The following FHOD3 variants were observed in gnomAD, a reference collection of about 807,000 sequenced individuals.
FHOD3 encodes FH1/FH2 domain-containing protein 3.
FHOD3 carries 90 observed loss-of-function variants against 173.0 expected under a neutral mutation model. That is an observed-to-expected ratio of 0.52 (90% CI 0.44 to 0.62). FHOD3 has a LOEUF of 0.62. FHOD3 is among the 20% of genes least tolerant of loss of function. The pLI, the probability that FHOD3 is intolerant of heterozygous loss-of-function variation, is 0.00. For missense variants in FHOD3, 1,945 were observed against 2,034.7 expected, an observed-to-expected ratio of 0.96 and a Z score of 0.85; for synonymous variants, 828 against 823.0, an observed-to-expected ratio of 1.01 and a Z score of -0.10.
chr18:36,544,121 A>T (rs1173715229), intron 5 of FHOD3, among the ~76,000 whole-genome samples: 1 of 152,174 alleles, frequency 6.6e-6, no homozygotes, highest in Non-Finnish European at 1.5e-5. Context: ...GGCTGAGTGT[A>T]TGTGTTTCTC....
intron 8 of FHOD3, among the ~76,000 whole-genome samples, chr18:36,607,183 G>C (rs1023100182): frequency 6.6e-6 from 1 of 152,226 alleles, no homozygotes; most frequent in Non-Finnish European, 1.5e-5. Flanking sequence ...GGGACCCTAG[G>C]CTGTCCATAA....
intron 1 of FHOD3, among the ~76,000 whole-genome samples, chr18:36,310,928 G>A (rs1413550801): frequency 5.3e-5 from 8 of 152,122 alleles, no homozygotes; most frequent in East Asian, 3.9e-4. Flanking sequence ...CAGTGGGCCC[G>A]GGGCTAAGCT....
At chr18:36,399,212 T>G (rs2048690705) in intron 3 of FHOD3, among the ~76,000 whole-genome samples, 1 of 152,166 alleles carries the variant, frequency 6.6e-6, no homozygotes, top group African/African-American at 2.4e-5. Context: ...CTCCTTTCCA[T>G]GGCCCCAGAT....
intron 5 of FHOD3, among the ~76,000 whole-genome samples, chr18:36,561,472 T>C (rs755660712): frequency 1.7e-4 from 26 of 152,210 alleles, no homozygotes; most frequent in African/African-American, 4.8e-4. Flanking sequence ...GAGGCCTTAG[T>C]TGCGTTTATG....
intron 5 of FHOD3, among the ~76,000 whole-genome samples, chr18:36,552,867 T>G (rs957190004): frequency 6.6e-6 from 1 of 151,982 alleles, no homozygotes; most frequent in Non-Finnish European, 1.5e-5. Context: ...TGAATAGGAG[T>G]GATGAGAGAA....
chr18:36,481,627 G>A (rs2145500746), intron 3 of FHOD3, among the ~76,000 whole-genome samples: 1 of 152,092 alleles, frequency 6.6e-6, no homozygotes, highest in East Asian at 1.9e-4. Context: ...TTCTCTCTTG[G>A]TATTTTGAGA....
At chr18:36,337,171 CAAAAAAA>C (rs772519016) in intron 1 of FHOD3, among the ~76,000 whole-genome samples, 1 of 63,654 alleles carries the variant, frequency 1.6e-5, no homozygotes, top group Non-Finnish European at 3.4e-5. Flanking sequence ...GACTCTGTCT[CAAAAAAA>C]AAAAAAAAAA....
At chr18:36,621,962 A>T (rs1202204132) in intron 9 of FHOD3, among the ~76,000 whole-genome samples, 2 of 152,250 alleles carry the variant, frequency 1.3e-5, no homozygotes, top group Non-Finnish European at 2.9e-5. Context: ...TGGACGAATC[A>T]ATAAAGAACA....
intron 1 of FHOD3, among the ~76,000 whole-genome samples, chr18:36,326,170 A>C (rs562572896): frequency 6.6e-6 from 1 of 152,326 alleles, no homozygotes; most frequent in Non-Finnish European, 1.5e-5. Context: ...TGGTAATGGG[A>C]AAGTCAAGGA....
chr18:36,439,486 TAGTC>T (rs1320987474), intron 3 of FHOD3, among the ~76,000 whole-genome samples: 1 of 151,292 alleles, frequency 6.6e-6, no homozygotes, highest in Admixed American at 6.6e-5. Context: ...GTGACTGTAT[TAGTC>T]AGGGCTCTCT....
chr18:36,527,992 C>T (rs2056606085), intron 5 of FHOD3, among the ~76,000 whole-genome samples: 1 of 152,108 alleles, frequency 6.6e-6, no homozygotes, highest in Non-Finnish European at 1.5e-5. Context: ...ACAGAGTATC[C>T]ATAACCATTT....
At position 36,592,675 on chromosome 18, in the gene FHOD3, G is replaced by C. The variant is rs181627105; in HGVS notation, c.607-2112G>C. Among the ~76,000 whole-genome samples the C allele has an allele frequency of 2.0e-3, 307 of 152,318 alleles. 1 individual carries two copies. The highest frequency in any genetic ancestry group is 6.8e-3 in the Middle Eastern group (2 of 294). ...ACTTAGGCTCTTCCAGCACTGGTGG[G>C]TGGATTTGCTGTGGAGATGGGGTGA... On this transcript the variant is annotated intron_variant, in intron 6 of 28. Coordinates refer to ENST00000590592, the MANE Select transcript of FHOD3 (RefSeq NM_001281740.3).
intron 3 of FHOD3, among the ~76,000 whole-genome samples, chr18:36,466,235 C>G (rs1468617592): frequency 6.6e-6 from 1 of 152,174 alleles, no homozygotes; most frequent in African/African-American, 2.4e-5. Context: ...AATTTGCATT[C>G]AAGTCCTCAG....
Position 36,642,046 on chromosome 18 carries a change from C to T in FHOD3, c.1197-7270C>T, listed in dbSNP as rs538053971. 7.9e-5 allele frequency among the ~76,000 whole-genome samples: 12 copies of T among 151,938 alleles called. 1 individual carries two copies. In the South Asian group the frequency reaches 1.5e-3, roughly 18 times the overall value. On this transcript the variant is annotated intron_variant, in intron 10 of 28. Transcript: ENST00000590592. ...GTAAACGAATGCAGGAACAGAAAAC[C>T]AAATACTGCCTCTTCTCACTTATAC...
At chr18:36,771,115 C>T (rs1036977128) in intron 28 of FHOD3, among the ~76,000 whole-genome samples, 1 of 152,110 alleles carries the variant, frequency 6.6e-6, no homozygotes, top group Non-Finnish European at 1.5e-5. Flanking sequence ...GCTAGGGGCT[C>T]GCAACTCAAA....
In FHOD3 at chr18:36,767,519, T is replaced by C. The variant is rs574975195; in HGVS notation, c.4625-1746T>C. 3.0e-4 allele frequency among the ~76,000 whole-genome samples: 45 copies of C among 152,198 alleles called. No homozygotes were observed. In the South Asian group the frequency reaches 7.2e-3, roughly 25 times the overall value. On this transcript the variant is annotated intron_variant, in intron 27 of 28. Transcript: ENST00000590592. Reference sequence around the variant, plus strand: ...ATTTTTAGTAGAGATGGGGTTTCACTGTGTTGGCCAGGCTGTTCTCGAACT... The same window carrying C: ...ATTTTTAGTAGAGATGGGGTTTCACCGTGTTGGCCAGGCTGTTCTCGAACT...
chr18:36,700,203 GC>G, intron 17 of FHOD3, among the ~76,000 whole-genome samples: 1 of 152,054 alleles, frequency 6.6e-6, no homozygotes, highest in East Asian at 1.9e-4. Context: ...CCTCCCATAT[GC>G]CTTGAATCCC....
chr18:36,742,691 C>A, intron 21 of FHOD3, 46 bp from the exon 22 acceptor site: 1 of 1,585,326 alleles, frequency 6.3e-7, no homozygotes. Context: ...ACAAAGTAAA[C>A]CCAAATTGTA....
chr18:36,604,094 G>A (rs2031769552), intron 8 of FHOD3, among the ~76,000 whole-genome samples: 1 of 152,116 alleles, frequency 6.6e-6, no homozygotes, highest in African/African-American at 2.4e-5. Flanking sequence ...TCTGAAACAA[G>A]GGGGCCCATG....
Sources: gnomAD v4.1 joint callset for allele counts (sites outside exome capture counted in the v4.1 genomes callset) on GRCh38, gnomAD v4.1.1 for gene constraint, MANE v1.5 for transcripts, NCBI Gene and HGNC (gene_info 2026-07-23, HGNC 2026-07-21) for gene names.